The following PCDHGB1 variants were observed in gnomAD, a reference collection of about 807,000 sequenced individuals.
PCDHGB1 encodes protocadherin gamma-B1.
A neutral mutation model predicts 56.6 loss-of-function variants in PCDHGB1; 34 were observed. That is an observed-to-expected ratio of 0.60 (90% CI 0.46 to 0.80). The LOEUF (loss-of-function observed/expected upper bound fraction) is 0.80, where lower values mean the gene tolerates loss of function less well. PCDHGB1 is among the 30% of genes least tolerant of loss of function. PCDHGB1 has a pLI of 0.00. For missense variants in PCDHGB1, 1,278 were observed against 1,204.6 expected, an observed-to-expected ratio of 1.06 and a Z score of -0.90; for synonymous variants, 561 against 505.9, an observed-to-expected ratio of 1.11 and a Z score of -1.46.
At chr5:141,365,361 C>T (rs1223911772) in intron 1 of PCDHGB1, 6 of 1,613,832 alleles carry the variant, frequency 3.7e-6, no homozygotes, top group Admixed American at 1.7e-5. Context: ...AATGACAATG[C>T]CCCCGAAGTG....
rs889285153 is a variant in PCDHGB1, at chr5:141,494,978, T to C, written c.2468+113T>C. ...TGCTACAGATGGCTTCTCCCTCAGT[T>C]TGAGATCCCAGGGAGGTCTTGGTGT... On this transcript the variant is annotated intron_variant, in intron 2 of 3. Transcript: ENST00000523390. 7.6e-6 allele frequency: 12 copies of C among 1,572,974 alleles called. No homozygotes were observed. In the Admixed American group the frequency reaches 1.3e-4, roughly 17 times the overall value.
chr5:141,390,332 A>T, intron 1 of PCDHGB1: 1 of 1,600,116 alleles, frequency 6.2e-7, no homozygotes, highest in Non-Finnish European at 8.5e-7. Flanking sequence ...CCATTTCTCC[A>T]TATTCACAAG....
intron 1 of PCDHGB1, chr5:141,377,572 G>A (rs1046181930): frequency 4.6e-5 from 7 of 151,346 alleles, no homozygotes; most frequent in Admixed American, 1.3e-4. Context: ...CCCTAGCCTG[G>A]GAGACAGAAT....
chr5:141,467,756 T>A (rs1312303182), intron 1 of PCDHGB1, among the ~76,000 whole-genome samples: 5 of 151,988 alleles, frequency 3.3e-5, no homozygotes, highest in African/African-American at 1.2e-4. Flanking sequence ...CCGCCTCACA[T>A]GCTCAAGTGC....
intron 1 of PCDHGB1, chr5:141,478,333 G>T: frequency 6.2e-7 from 1 of 1,613,928 alleles, no homozygotes; most frequent in Non-Finnish European, 8.5e-7. Context: ...GAACACCAGG[G>T]CCCTCCTTGC....
chr5:141,418,505 G>A, intron 1 of PCDHGB1: 1 of 1,614,006 alleles, frequency 6.2e-7, no homozygotes, highest in Non-Finnish European at 8.5e-7. Flanking sequence ...GACCGCCTTA[G>A]ATGGTGGGGA....
intron 1 of PCDHGB1, chr5:141,398,003 A>C: frequency 1.4e-6 from 2 of 1,391,912 alleles, no homozygotes; most frequent in East Asian, 5.0e-5. Context: ...TCCTCGGAAA[A>C]AGAATCGTTT....
intron 1 of PCDHGB1, among the ~76,000 whole-genome samples, chr5:141,458,876 G>T (rs187470646): frequency 5.0e-4 from 76 of 152,248 alleles, no homozygotes; most frequent in African/African-American, 1.7e-3. Context: ...GGGACTACAG[G>T]CATGCACACC....
chr5:141,460,951 G>GTA (rs200454978), intron 1 of PCDHGB1, among the ~76,000 whole-genome samples: 2,366 of 139,742 alleles, frequency 0.017, 20 homozygotes, highest in Middle Eastern at 0.037. Flanking sequence ...TATGTATTAT[G>GTA]TATATATATA....
At chr5:141,379,501 T>C (rs969965140) in intron 1 of PCDHGB1, 7 of 152,268 alleles carry the variant, frequency 4.6e-5, no homozygotes, top group Non-Finnish European at 8.8e-5. Context: ...CAATTTGGGA[T>C]GTTAAACTAC....
rs778071643 is a variant in PCDHGB1, at chr5:141,356,356, A to G, written c.2409+3687A>G. On this transcript the variant is annotated intron_variant, in intron 1 of 3. Coordinates refer to ENST00000523390, the MANE Select transcript of PCDHGB1 (RefSeq NM_018922.3). The stretch of plus-strand genomic sequence containing the variant: ...AGGAAATGGCCTAGTCACATGTTCT[A>G]TTCCAGATAATCTGCCATTCACACT... 16 of 1,556,750 alleles carry G rather than the reference A, an allele frequency of 1.0e-5. No individual in the cohort carries two copies. In the Admixed American group the frequency reaches 2.7e-4, roughly 27 times the overall value.
In PCDHGB1 at chr5:141,431,155, C is replaced by T; in HGVS notation, c.2410-63652C>T. On this transcript the variant is annotated intron_variant, in intron 1 of 3. Transcript: ENST00000523390. This position sits in a 1 kb window ranked among gnomAD's most constrained non-coding sequence, Gnocchi z 4.8. ...GGGACATTAACGACAATGCGCCTTA[C>T]TTTCGTGAAAGTGAATTAGAAATAA... is the stretch of plus-strand genomic sequence containing the variant. 6.2e-7 allele frequency: 1 copy of T among 1,614,212 alleles called. No homozygotes were observed. Among genetic ancestry groups the T allele is most frequent in the Non-Finnish European group, 8.5e-7 (1 of 1,180,032 alleles).
At chr5:141,384,243 C>T in intron 1 of PCDHGB1, 1 of 1,613,880 alleles carries the variant, frequency 6.2e-7, no homozygotes, top group Non-Finnish European at 8.5e-7. Context: ...CCAACGATAA[C>T]CCACCCACCT....
rs202187251 is a variant in PCDHGB1, at chr5:141,361,781, G to A, written c.2409+9112G>A. Reference sequence around the variant, plus strand: ...GCGCTCAGCGCCAACGTGAGCCTGCGCGTGTTAGTGGGCGACCTCAATGAC... The same window carrying A: ...GCGCTCAGCGCCAACGTGAGCCTGCACGTGTTAGTGGGCGACCTCAATGAC... On this transcript the variant is annotated intron_variant, in intron 1 of 3. Transcript: ENST00000523390. The A allele has an allele frequency of 3.1e-4, 505 of 1,613,104 alleles. No homozygotes were observed. Among genetic ancestry groups the A allele is most frequent in the Non-Finnish European group, 3.8e-4 (452 of 1,179,752 alleles).
In PCDHGB1 at chr5:141,474,958, C is replaced by T. The variant is rs114469479; in HGVS notation, c.2410-19849C>T. On this transcript the variant is annotated intron_variant, in intron 1 of 3. Transcript: ENST00000523390. ...CACAGTGGACTCTTTTATTCACTAT[C>T]CTAATCATTATAATTTTGTTTGGTG... is the stretch of plus-strand genomic sequence containing the variant. Among the ~76,000 whole-genome samples the T allele has an allele frequency of 4.4e-3, 666 of 152,340 alleles. 6 individuals are homozygous for T. The highest frequency in any genetic ancestry group is 0.015 in the African/African-American group (634 of 41,572).
intron 1 of PCDHGB1, chr5:141,373,939 G>A: frequency 2.8e-6 from 2 of 714,100 alleles, no homozygotes; most frequent in Non-Finnish European, 2.1e-6. Flanking sequence ...AAGCAGGAAA[G>A]CTGTGCAGAA....
chr5:141,403,200 C>T (rs765799006), intron 1 of PCDHGB1: 1 of 1,613,982 alleles, frequency 6.2e-7, no homozygotes, highest in South Asian at 1.1e-5. Flanking sequence ...CGCAGCGGCA[C>T]CTTGGTCACC....
chr5:141,393,508 T>A (rs540869636), intron 1 of PCDHGB1: 2 of 1,614,010 alleles, frequency 1.2e-6, no homozygotes, highest in East Asian at 4.5e-5. Flanking sequence ...CACGTGACAG[T>A]GTTGGATACA....
chr5:141,371,007 C>G, intron 1 of PCDHGB1: 2 of 1,613,962 alleles, frequency 1.2e-6, no homozygotes, highest in African/African-American at 2.7e-5. Flanking sequence ...CAGGGAAGAG[C>G]AGCCACATCA....
Sources: allele counts gnomAD v4.1 joint callset (sites outside exome capture counted in the v4.1 genomes callset), GRCh38; gene constraint gnomAD v4.1.1; non-coding constraint Gnocchi (gnomAD v3.1); transcripts MANE v1.5; gene names NCBI Gene and HGNC (gene_info 2026-07-23, HGNC 2026-07-21).